The following RGS7 variants were observed in gnomAD, a reference collection of about 807,000 sequenced individuals.
The protein encoded by RGS7 is regulator of G-protein signaling 7.
A neutral mutation model predicts 81.1 loss-of-function variants in RGS7; 27 were observed. The observed-to-expected ratio is 0.33, with a 90% CI of 0.25 to 0.46. RGS7 has a LOEUF of 0.46. RGS7 is among the 20% of genes least tolerant of loss of function. RGS7 has a pLI of 1.00. For synonymous variants in RGS7, 208 were observed against 207.7 expected (o/e 1.00, Z -0.01); for missense variants, 396 against 607.4 (o/e 0.65, Z 3.66).
chr1:241,320,536 G>A (rs770988799), intron 2 of RGS7, among the ~76,000 whole-genome samples: 2 of 152,160 alleles, frequency 1.3e-5, no homozygotes, highest in African/African-American at 4.8e-5. Context: ...TGTTTGACTC[G>A]AGTAGTAAAA....
intron 9 of RGS7, among the ~76,000 whole-genome samples, chr1:240,864,029 A>G (rs1662757843): frequency 6.6e-6 from 1 of 152,130 alleles, no homozygotes; most frequent in Non-Finnish European, 1.5e-5. Context: ...CTAGCTCTGA[A>G]CCTGAGTACG....
chr1:241,181,111 G>A (rs113019994), intron 2 of RGS7, among the ~76,000 whole-genome samples: 58 of 152,308 alleles, frequency 3.8e-4, no homozygotes, highest in African/African-American at 1.4e-3. Flanking sequence ...AAACTACCTC[G>A]TATGATTCTA....
At chr1:240,983,159 A>G (rs1156846181) in intron 3 of RGS7, 30 bp from the exon 4 acceptor site, 1 of 1,269,440 alleles carries the variant, frequency 7.9e-7, no homozygotes, top group East Asian at 2.3e-5. Flanking sequence ...AAACACAAAC[A>G]GATGTGAACA....
At chr1:241,086,212 C>T (rs2493001) in intron 3 of RGS7, among the ~76,000 whole-genome samples, 37,706 of 152,196 alleles carry the variant, frequency 0.25, 6,421 homozygotes, top group African/African-American at 0.48. Context: ...GGTTGTTCTA[C>T]ATACGTTGCC....
intron 3 of RGS7, among the ~76,000 whole-genome samples, chr1:241,065,477 C>G (rs1390267084): frequency 6.6e-6 from 1 of 151,984 alleles, no homozygotes; most frequent in East Asian, 1.9e-4. Flanking sequence ...GACATTGGCC[C>G]TTATGTTGTA....
chr1:241,065,577 A>G (rs1449856523), intron 3 of RGS7, among the ~76,000 whole-genome samples: 2 of 152,252 alleles, frequency 1.3e-5, no homozygotes, highest in Admixed American at 6.5e-5. Context: ...TTAAACCACC[A>G]TATTTCTTTT....
chr1:241,221,011 A>AAGGC (rs2074926940), intron 2 of RGS7, among the ~76,000 whole-genome samples: 1 of 35,482 alleles, frequency 2.8e-5, no homozygotes, highest in Non-Finnish European at 6.3e-5. Context: ...GAGAGAAAGG[A>AAGGC]AGGAAGGAAG....
At chr1:240,867,043 G>A (rs1484792459) in intron 9 of RGS7, among the ~76,000 whole-genome samples, 1 of 152,192 alleles carries the variant, frequency 6.6e-6, no homozygotes, top group Non-Finnish European at 1.5e-5. Context: ...CCTACTTAAT[G>A]TCCTTGCAAT....
At chr1:241,262,609 A>G (rs559573518) in intron 2 of RGS7, among the ~76,000 whole-genome samples, 3 of 152,324 alleles carry the variant, frequency 2.0e-5, no homozygotes, top group African/African-American at 7.2e-5. Flanking sequence ...CACATCTCAC[A>G]TTGTTACTAT....
At chr1:241,231,753 C>T (rs2075672348) in intron 2 of RGS7, among the ~76,000 whole-genome samples, 1 of 152,180 alleles carries the variant, frequency 6.6e-6, no homozygotes, top group South Asian at 2.1e-4. Context: ...AAATGATTTG[C>T]AAATATTTCC....
intron 5 of RGS7, among the ~76,000 whole-genome samples, chr1:240,933,936 A>G (rs1385026812): frequency 6.6e-6 from 1 of 152,032 alleles, no homozygotes; most frequent in East Asian, 1.9e-4. Context: ...TTTATCTCAA[A>G]TTAATGCTTT....
intron 3 of RGS7, among the ~76,000 whole-genome samples, chr1:240,990,006 C>A (rs185620798): frequency 1.3e-5 from 2 of 152,236 alleles, no homozygotes; most frequent in East Asian, 3.9e-4. Flanking sequence ...GCTCACAGCT[C>A]CTGGGTTAAA....
At chr1:241,178,140 A>C (rs2071302677) in intron 2 of RGS7, among the ~76,000 whole-genome samples, 1 of 152,018 alleles carries the variant, frequency 6.6e-6, no homozygotes, top group African/African-American at 2.4e-5. Context: ...GATAGAAAAA[A>C]AATTAGTTGG....
chr1:240,944,339 G>A (rs1678234950), intron 4 of RGS7, among the ~76,000 whole-genome samples: 1 of 116,424 alleles, frequency 8.6e-6, no homozygotes, highest in Non-Finnish European at 1.7e-5. Flanking sequence ...TATATGTTAG[G>A]TGCATAGAAT....
chr1:240,816,190 A>T (rs920401840), intron 11 of RGS7, 127 bp downstream of exon 11: 15 of 728,594 alleles, frequency 2.1e-5, no homozygotes, highest in Non-Finnish European at 3.6e-5. Context: ...TTAACTGCAA[A>T]TCTTCCACAT....
intron 2 of RGS7, among the ~76,000 whole-genome samples, chr1:241,270,761 C>CTTTTTT (rs1043826920): frequency 1.3e-5 from 2 of 148,906 alleles, no homozygotes; most frequent in Non-Finnish European, 3.0e-5. Flanking sequence ...ACCCCCCCCC[C>CTTTTTT]TTTTTTTTTT....
chr1:240,960,152 C>A (rs1402292297), intron 4 of RGS7, among the ~76,000 whole-genome samples: 1 of 145,650 alleles, frequency 6.9e-6, no homozygotes, highest in East Asian at 2.0e-4. Flanking sequence ...GACTCCATCC[C>A]CCAACACCAA....
intron 9 of RGS7, among the ~76,000 whole-genome samples, chr1:240,851,131 CAGG>C (rs1351314706): frequency 3.3e-5 from 5 of 152,180 alleles, no homozygotes; most frequent in African/African-American, 1.2e-4. Flanking sequence ...CATAGCTAGA[CAGG>C]AGAAGTCAGT....
At chr1:240,842,027 A>G (rs1359503606) in intron 9 of RGS7, among the ~76,000 whole-genome samples, 4 of 152,028 alleles carry the variant, frequency 2.6e-5, no homozygotes, top group Admixed American at 1.3e-4. Flanking sequence ...TCAGTGTATG[A>G]AATACTGCAC....
Sources: gnomAD v4.1 joint callset for allele counts (sites outside exome capture counted in the v4.1 genomes callset) on GRCh38, gnomAD v4.1.1 for gene constraint, MANE v1.5 for transcripts, NCBI Gene and HGNC (gene_info 2026-07-23, HGNC 2026-07-21) for gene names.